Variants in PCDH20 observed in about 807,000 individuals in gnomAD.
The protein encoded by PCDH20 is protocadherin 20, also known as protocadherin-20.
Under a neutral mutation model 39.7 loss-of-function variants are expected in PCDH20, and 18 were observed. The observed-to-expected ratio is 0.45, with a 90% CI of 0.31 to 0.67. The LOEUF is 0.67. PCDH20 is among the 30% of genes least tolerant of loss of function. The probability of loss-of-function intolerance (pLI) is 0.05; values close to 1 mark genes in which losing one functional copy is unlikely to be tolerated. For synonymous variants in PCDH20, 495 were observed against 455.4 expected (o/e 1.09, Z -1.11); for missense variants, 1,161 against 1,167.4 (o/e 0.99, Z 0.08).
exon 2 of PCDH20, chr13:61,412,505 C>T (rs1878267761): frequency 6.2e-7 from 1 of 1,614,074 alleles, no homozygotes; most frequent in Admixed American, 1.7e-5. Context: ...AAAATTGGAG[C>T]ATTATCATTG....
intron 1 of PCDH20, 108 bp downstream of exon 1, chr13:61,414,919 C>G (rs556480575): frequency 8.0e-7 from 1 of 1,243,488 alleles, no homozygotes; most frequent in Non-Finnish European, 1.0e-6. Context: ...CCATCCTTCC[C>G]GTGAAGTTTA....
At chr13:61,411,137 T>C (rs1396353843) in exon 2 of PCDH20, 2 of 930,530 alleles carry the variant, frequency 2.1e-6, no homozygotes, top group African/African-American at 1.7e-5. Context: ...GAACAAGTTA[T>C]AAATTAGTTG....
At chr13:61,414,169 T>C (rs919699813) in intron 1 of PCDH20, among the ~76,000 whole-genome samples, 1 of 152,036 alleles carries the variant, frequency 6.6e-6, no homozygotes, top group African/African-American at 2.4e-5. Context: ...AATTTTGCTG[T>C]TCACTTTCTA....
At chr13:61,413,214 A>G in exon 2 of PCDH20, 1 of 1,614,126 alleles carries the variant, frequency 6.2e-7, no homozygotes, top group South Asian at 1.1e-5. Context: ...GTGGAGACCC[A>G]CCATCCTCAG....
In PCDH20 at chr13:61,415,507, GGA is replaced by G; in HGVS notation, c.-351_-350del. ...AGTCCACAGGTTGCTAGCAAGAGAG[GGA>G]GAATTAAAATAAATAAATAAGCTTG... is the stretch of plus-strand genomic sequence containing the variant. On this transcript the variant is annotated 5_prime_UTR_variant, in exon 1 of 2. An upstream open reading frame in the 5' UTR loses its in-frame stop. Transcript: ENST00000409204. 4.9e-6 allele frequency: 1 copy of G among 203,258 alleles called. No homozygotes were observed. The allele number at this position is 203,258 out of a possible 1,614,324, so 12.6% of individuals were successfully genotyped here.
chr13:61,413,443 G>A (rs781402479), exon 2 of PCDH20: 3 of 1,613,630 alleles, frequency 1.9e-6, no homozygotes, highest in South Asian at 2.2e-5. Context: ...TGCATTTTCC[G>A]GGACCCACAC....
At chr13:61,412,981 A>G in exon 2 of PCDH20, 1 of 1,614,200 alleles carries the variant, frequency 6.2e-7, no homozygotes, top group Non-Finnish European at 8.5e-7. Flanking sequence ...GTTTTCATCC[A>G]GGTGAAATAA....
In PCDH20 at chr13:61,413,563, A is replaced by T. The variant is rs779862281; in HGVS notation, c.536T>A (p.Leu179Gln). The change falls in exon 2 of 2, where the codon CTG (leucine) becomes CAG (glutamine). Residue 179 changes from leucine to glutamine, a missense_variant. Physicochemically the swap from Leu to Gln is moderately radical, Grantham distance 113 (BLOSUM62 -2). Transcript: ENST00000409204. ...CTGAGGCAGGACAAGCACATCCAGC[A>T]GCAAAAGACAAGAGTCAGAAGGAGA... 3.1e-6 allele frequency: 5 copies of T among 1,614,174 alleles called. 1 individual carries two copies. The highest frequency in any genetic ancestry group is 4.2e-6 in the Non-Finnish European group (5 of 1,180,032).
exon 2 of PCDH20, chr13:61,413,289 G>A (rs1417991088): frequency 1.2e-6 from 2 of 1,614,068 alleles, no homozygotes; most frequent in East Asian, 2.2e-5. Context: ...CAATTAGGTA[G>A]GGGGTGCGCT....
At chr13:61,411,552 A>T (rs1878247133) in exon 2 of PCDH20, 1 of 1,614,058 alleles carries the variant, frequency 6.2e-7, no homozygotes, top group East Asian at 2.2e-5. Flanking sequence ...TGTAACTCTC[A>T]TTACTGACAG....
chr13:61,413,818 C>T (rs776792907), exon 2 of PCDH20: 9 of 1,612,998 alleles, frequency 5.6e-6, no homozygotes, highest in Non-Finnish European at 7.6e-6. Context: ...CCCTGCAGAC[C>T]TGGGCAGCAG....
chr13:61,414,184 C>T (rs1370152161), intron 1 of PCDH20, among the ~76,000 whole-genome samples: 1 of 152,032 alleles, frequency 6.6e-6, no homozygotes, highest in Non-Finnish European at 1.5e-5. Flanking sequence ...TTTCTATCCC[C>T]TCCGCCCCCG....
intron 1 of PCDH20, 46 bp from the exon 2 acceptor site, chr13:61,414,012 T>C (rs201568353): frequency 1.1e-4 from 164 of 1,505,144 alleles, no homozygotes; most frequent in Non-Finnish European, 1.4e-4. Flanking sequence ...CACGGGGAAA[T>C]AGGGGTCCGA....
chr13:61,411,307 G>A (rs1176931151), exon 2 of PCDH20: 1 of 1,613,646 alleles, frequency 6.2e-7, no homozygotes, highest in Non-Finnish European at 8.5e-7. Flanking sequence ...TCCTTTCAGT[G>A]GAATCTGTAC....
exon 2 of PCDH20, chr13:61,411,001 C>CTT (rs11423785): frequency 0.23 from 45,041 of 192,478 alleles, 5,226 homozygotes; most frequent in Middle Eastern, 0.27. Context: ...CATGTCCAAG[C>CTT]TTTTTTTTTT....
exon 1 of PCDH20, chr13:61,415,249 G>C: frequency 7.9e-7 from 1 of 1,270,490 alleles, no homozygotes; most frequent in Non-Finnish European, 1.0e-6. Flanking sequence ...GGGAACTTCA[G>C]CCAATAGTCA....
exon 1 of PCDH20, chr13:61,415,175 G>C (rs759012290): frequency 2.4e-5 from 34 of 1,400,714 alleles, no homozygotes; most frequent in Non-Finnish European, 3.0e-5. Flanking sequence ...GGAGGCTGCA[G>C]TCAGAGCGCT....
chr13:61,413,610 G>T, exon 2 of PCDH20: 1 of 1,614,174 alleles, frequency 6.2e-7, no homozygotes, highest in Non-Finnish European at 8.5e-7. Flanking sequence ...AAACGCTGCC[G>T]CTCCACGCAG....
At chr13:61,413,106 C>T (rs746273020) in exon 2 of PCDH20, 3 of 1,614,178 alleles carry the variant, frequency 1.9e-6, no homozygotes, top group Middle Eastern at 1.6e-4. Flanking sequence ...CTGTAGCATT[C>T]CCATACACAG....
Sources: allele counts gnomAD v4.1 joint callset (sites outside exome capture counted in the v4.1 genomes callset), GRCh38; gene constraint gnomAD v4.1.1; transcripts MANE v1.5; gene names NCBI Gene and HGNC (gene_info 2026-07-23, HGNC 2026-07-21).